Variants in STARD13 observed in about 807,000 individuals in gnomAD.
The protein encoded by STARD13 is stAR-related lipid transfer protein 13.
Under a neutral mutation model 106.4 loss-of-function variants are expected in STARD13, and 62 were observed. That is an observed-to-expected ratio of 0.58 (90% CI 0.48 to 0.72). The LOEUF (loss-of-function observed/expected upper bound fraction) is 0.72, where lower values mean the gene tolerates loss of function less well. Among genes scored for constraint, STARD13 ranks in the 30% least tolerant of loss-of-function variants. The pLI, the probability that STARD13 is intolerant of heterozygous loss-of-function variation, is 0.00. For synonymous variants in STARD13, 565 were observed against 553.0 expected (o/e 1.02, Z -0.31); for missense variants, 1,387 against 1,424.0 (o/e 0.97, Z 0.42).
chr13:33,120,850 C>T (rs1315583250), intron 7 of STARD13, among the ~76,000 whole-genome samples: 1 of 152,032 alleles, frequency 6.6e-6, no homozygotes, highest in Non-Finnish European at 1.5e-5. Flanking sequence ...AGTGATTCTC[C>T]TGTCTCAGCC....
At chr13:33,547,877 T>A in the STARD13 span, among the ~76,000 whole-genome samples, 1 of 152,172 alleles carries the variant, frequency 6.6e-6, no homozygotes, top group African/African-American at 2.4e-5. Flanking sequence ...CATAAGAATC[T>A]TAGATGATTA....
At chr13:33,521,758 T>C in the STARD13 span, among the ~76,000 whole-genome samples, 1 of 152,140 alleles carries the variant, frequency 6.6e-6, no homozygotes, top group African/African-American at 2.4e-5. Context: ...TTTTACACAA[T>C]AATTTATAAA....
At chr13:33,248,106 T>TAAG (rs1889921960) in intron 1 of STARD13, among the ~76,000 whole-genome samples, 2 of 152,240 alleles carry the variant, frequency 1.3e-5, no homozygotes, top group Admixed American at 1.3e-4. Context: ...GGGCTATCGT[T>TAAG]AAGAAGAAGA....
chr13:33,166,116 T>A (rs899965088), intron 2 of STARD13, among the ~76,000 whole-genome samples: 4 of 152,196 alleles, frequency 2.6e-5, no homozygotes, highest in African/African-American at 9.6e-5. Flanking sequence ...GACTTGCCAC[T>A]TTTTCCTTTA....
chr13:33,497,392 A>T, the STARD13 span, among the ~76,000 whole-genome samples: 2 of 152,278 alleles, frequency 1.3e-5, no homozygotes, highest in East Asian at 1.9e-4. Context: ...TCTATCAGCA[A>T]ACAGAGTTGA....
intron 3 of STARD13, among the ~76,000 whole-genome samples, chr13:33,151,612 T>C (rs77885342): frequency 0.032 from 4,913 of 152,182 alleles, 276 homozygotes; most frequent in African/African-American, 0.11. Flanking sequence ...CAAACCATAT[T>C]GAGGGATAAG....
Position 33,106,846 on chromosome 13 carries a change from G to C in STARD13, c.3136C>G (p.Arg1046Gly), listed in dbSNP as rs375137923. The change falls in exon 13 of 14, where the codon CGA (arginine) becomes GGA (glycine). Residue 1046 changes from arginine to glycine, a missense_variant. Coordinates refer to ENST00000336934, the MANE Select transcript of STARD13 (RefSeq NM_178006.4). ...HEEAQLLGGV[R>G]AVVMDSQYLI... ...TACTGCGAGTCCATCACCACTGCTCGCACACCACCCAGGAGCTGGGCTTCC... is the reference window on the plus strand; with the variant it reads ...TACTGCGAGTCCATCACCACTGCTCCCACACCACCCAGGAGCTGGGCTTCC... 3 of 1,613,958 alleles carry C rather than the reference G, an allele frequency of 1.9e-6. No homozygotes were observed. The highest frequency in any genetic ancestry group is 2.7e-5 in the African/African-American group (2 of 74,894).
At chr13:33,148,571 A>T (rs1373135189) in intron 3 of STARD13, among the ~76,000 whole-genome samples, 1 of 152,204 alleles carries the variant, frequency 6.6e-6, no homozygotes, top group Non-Finnish European at 1.5e-5. Context: ...CACTGACAAC[A>T]CTAAATGCTG....
the STARD13 span, among the ~76,000 whole-genome samples, chr13:33,553,142 A>G: frequency 6.6e-6 from 1 of 152,174 alleles, no homozygotes; most frequent in Non-Finnish European, 1.5e-5. Context: ...AAAGAGTTGC[A>G]TTTGATCTAG....
intron 1 of STARD13, among the ~76,000 whole-genome samples, chr13:33,171,459 C>A (rs1218951220): frequency 6.6e-6 from 1 of 152,214 alleles, no homozygotes. Flanking sequence ...TCATTTTGCT[C>A]TCTGGCAGGT....
the STARD13 span, among the ~76,000 whole-genome samples, chr13:33,632,216 T>C: frequency 6.6e-6 from 1 of 152,328 alleles, no homozygotes; most frequent in South Asian, 2.1e-4. Context: ...ACATGAACTC[T>C]TGAGCTCTCA....
rs147299007 is a variant in STARD13 at position 33,308,783 on chromosome 13, C to T, written c.124+41507G>A. ...AGGTGATCCACCCGCCTTGGCCTCC[C>T]GAAGTGCTGGGATTACAGGCATGAG... On this transcript the variant is annotated intron_variant, in intron 1 of 5. Coordinates refer to the STARD13 transcript ENST00000567873. Among the ~76,000 whole-genome samples, 450 of 152,264 alleles carry T rather than the reference C, an allele frequency of 3.0e-3. 2 individuals carry two copies. The highest frequency in any genetic ancestry group is 0.01 in the African/African-American group (430 of 41,562).
intron 1 of STARD13, among the ~76,000 whole-genome samples, chr13:33,328,578 A>G (rs186953896): frequency 1.3e-5 from 2 of 152,254 alleles, no homozygotes; most frequent in African/African-American, 4.8e-5. Context: ...AGATTGACCA[A>G]GAAAGGGTAA....
At chr13:33,524,088 A>G in the STARD13 span, 4 of 230,348 alleles carry the variant, frequency 1.7e-5, no homozygotes, top group East Asian at 4.1e-4. Context: ...GTAATGAAAC[A>G]CTAGTTAATG....
chr13:33,363,823 G>A, the STARD13 span, among the ~76,000 whole-genome samples: 3 of 152,308 alleles, frequency 2.0e-5, no homozygotes, highest in East Asian at 5.8e-4. Flanking sequence ...CATAGTAAAT[G>A]CTCAATATAT....
intron 1 of STARD13, among the ~76,000 whole-genome samples, chr13:33,209,999 A>G (rs938531951): frequency 1.3e-5 from 2 of 152,176 alleles, no homozygotes; most frequent in Admixed American, 6.5e-5. Context: ...ACAAAAAAAC[A>G]GAGTCCAGTT....
chr13:33,583,814 T>A, the STARD13 span, among the ~76,000 whole-genome samples: 1 of 151,890 alleles, frequency 6.6e-6, no homozygotes, highest in African/African-American at 2.4e-5. Flanking sequence ...CAATTTTTTT[T>A]TTGAGATGGA....
At chr13:33,466,463 T>C in the STARD13 span, among the ~76,000 whole-genome samples, 1 of 152,216 alleles carries the variant, frequency 6.6e-6, no homozygotes, top group Non-Finnish European at 1.5e-5. Context: ...TGGCTTATTT[T>C]GAGGTAAATC....
the STARD13 span, among the ~76,000 whole-genome samples, chr13:33,523,992 C>A: frequency 6.6e-6 from 1 of 152,026 alleles, no homozygotes; most frequent in Non-Finnish European, 1.5e-5. Flanking sequence ...AATGGACTAA[C>A]CGTTTTACCT....
Sources: gnomAD v4.1 joint callset for allele counts (sites outside exome capture counted in the v4.1 genomes callset) on GRCh38, gnomAD v4.1.1 for gene constraint, MANE v1.5 for transcripts, NCBI Gene and HGNC (gene_info 2026-07-23, HGNC 2026-07-21) for gene names.